MARK1: variants seen among roughly 807,000 people sequenced by gnomAD.
MARK1 encodes the protein microtubule affinity regulating kinase 1, also known as serine/threonine-protein kinase MARK1.
Under a neutral mutation model 96.3 loss-of-function variants are expected in MARK1, and 40 were observed. The ratio of observed to expected loss-of-function variants is 0.42; its 90% CI spans 0.32 to 0.54. MARK1 has a LOEUF of 0.54. MARK1 is among the 20% of genes least tolerant of loss of function. MARK1 has a pLI of 0.16. For missense variants in MARK1, 719 were observed against 984.6 expected (o/e 0.73, Z 3.61); for synonymous variants, 317 against 341.2 (o/e 0.93, Z 0.78).
chr1:220,647,900 C>T lies in MARK1; in HGVS notation c.1471-2720C>T, dbSNP rs7524156. ...CACACTGGGGCCTTTCAGAGGAGGG[C>T]GGAGGTCGCGGGAGAGCATTAGGAA... On this transcript the variant is annotated intron_variant, in intron 13 of 17. Transcript: ENST00000366917. Among the ~76,000 whole-genome samples the T allele has an allele frequency of 7.3e-3, 1,115 of 151,990 alleles. 12 individuals carry two copies. Among genetic ancestry groups the T allele is most frequent in the African/African-American group, 0.024 (997 of 41,444 alleles).
intron 2 of MARK1, 47 bp downstream of exon 2, chr1:220,579,604 G>T: frequency 6.6e-7 from 1 of 1,519,262 alleles, no homozygotes. Context: ...CCTCTCTGGA[G>T]TCTTGTTAAA....
chr1:220,553,872 A>G (rs1662051703), intron 1 of MARK1, among the ~76,000 whole-genome samples: 1 of 152,198 alleles, frequency 6.6e-6, no homozygotes, highest in Non-Finnish European at 1.5e-5. Context: ...TACTTCAAGC[A>G]CCAGTGAGTC....
At chr1:220,629,652 T>A (rs1667558763) in intron 9 of MARK1, among the ~76,000 whole-genome samples, 1 of 152,208 alleles carries the variant, frequency 6.6e-6, no homozygotes, top group Non-Finnish European at 1.5e-5. Context: ...TTATACTTTA[T>A]GTTCCTATGA....
intron 3 of MARK1, among the ~76,000 whole-genome samples, chr1:220,596,309 G>C (rs566427470): frequency 1.8e-4 from 28 of 152,254 alleles, no homozygotes; most frequent in South Asian, 1.7e-3. Flanking sequence ...TACTGTCAGA[G>C]CCAGAGCAAG....
intron 13 of MARK1, among the ~76,000 whole-genome samples, chr1:220,645,076 A>T (rs146905023): frequency 2.0e-5 from 3 of 152,270 alleles, no homozygotes; most frequent in Non-Finnish European, 2.9e-5. Context: ...CCAAGCTCAG[A>T]GCTGAACTGA....
At chr1:220,656,631 A>G (rs1345930234) in intron 16 of MARK1, among the ~76,000 whole-genome samples, 2 of 152,198 alleles carry the variant, frequency 1.3e-5, no homozygotes, top group African/African-American at 4.8e-5. Flanking sequence ...TGTTTTATTT[A>G]TTTCAATGTG....
At position 220,534,639 on chromosome 1, in the gene MARK1, G is replaced by A. The variant is rs190532231; in HGVS notation, c.51+5766G>A. Among the ~76,000 whole-genome samples the A allele has an allele frequency of 1.4e-4, 22 of 152,132 alleles. No homozygotes were observed. In the East Asian group the frequency reaches 3.9e-3, roughly 27 times the overall value. On this transcript the variant is annotated intron_variant, in intron 1 of 17. Transcript: ENST00000366917. ...CATCTCTAGAAATTTTTCATCTTGTGTGACTGAAACAGTGTACATATTGAA... is the reference window on the plus strand; with the variant it reads ...CATCTCTAGAAATTTTTCATCTTGTATGACTGAAACAGTGTACATATTGAA...
At chr1:220,637,866 A>T (rs1490466598) in intron 13 of MARK1, among the ~76,000 whole-genome samples, 1 of 152,076 alleles carries the variant, frequency 6.6e-6, no homozygotes, top group Non-Finnish European at 1.5e-5. Flanking sequence ...CAAATGCAAG[A>T]TAAGATACCA....
chr1:220,579,323 T>G, intron 1 of MARK1, 31 bp from the exon 2 acceptor site: 1 of 1,451,674 alleles, frequency 6.9e-7, no homozygotes, highest in Non-Finnish European at 9.6e-7. Flanking sequence ...ATAATTTAAT[T>G]AACAATGAAA....
intron 13 of MARK1, among the ~76,000 whole-genome samples, chr1:220,643,532 A>C (rs1668401121): frequency 6.6e-6 from 1 of 152,204 alleles, no homozygotes; most frequent in Non-Finnish European, 1.5e-5. Flanking sequence ...AACTTCCCCA[A>C]TCTAGCAAGA....
chr1:220,615,462 T>G (rs1053587476), intron 6 of MARK1, among the ~76,000 whole-genome samples: 2 of 152,222 alleles, frequency 1.3e-5, no homozygotes, highest in African/African-American at 4.8e-5. Context: ...ACCTCATTGT[T>G]AAGTTCTTAG....
intron 1 of MARK1, among the ~76,000 whole-genome samples, chr1:220,558,332 A>G (rs1662429783): frequency 6.6e-6 from 1 of 151,616 alleles, no homozygotes; most frequent in African/African-American, 2.4e-5. Context: ...AGCTTGCAGT[A>G]GGGAGGAAGA....
chr1:220,598,386 AATATATATATATTATAT>A lies in MARK1; in HGVS notation c.358+20_358+36del, dbSNP rs989721006. On this transcript the variant is annotated splice_region_variant and intron_variant, in intron 4 of 17. Coordinates refer to ENST00000366917, the MANE Select transcript of MARK1 (RefSeq NM_018650.5). ...CTGAATCATCCTAATATAGGTATGA[AATATATATATATTATAT>A]ATATATATATATATAATTAGCGATG... 5.9e-6 allele frequency: 2 copies of A among 339,232 alleles called. No individual in the cohort carries two copies. The highest frequency in any genetic ancestry group is 3.9e-5 in the Admixed American group (1 of 25,448). 21.0% of individuals were successfully genotyped at this position (339,232 alleles called of 1,614,324 possible).
rs773276473 is a variant in MARK1 at position 220,654,649 on chromosome 1, T to TAG, written c.1988+1298_1988+1299dup. On this transcript the variant is annotated intron_variant, in intron 16 of 17. Transcript: ENST00000366917. This position sits in a 1 kb window ranked among gnomAD's most constrained non-coding sequence, Gnocchi z 4.0. ...TGTTAGCCGGCCATCTGCAGGGTAC[T>TAG]AGTCAGATTATCAGTAGTTTCTGCT... is the stretch of plus-strand genomic sequence containing the variant. Among the ~76,000 whole-genome samples the TAG allele has an allele frequency of 3.9e-5, 6 of 152,242 alleles. No individual in the cohort carries two copies. Among genetic ancestry groups the TAG allele is most frequent in the Non-Finnish European group, 8.8e-5 (6 of 68,042 alleles).
chr1:220,617,652 A>G lies in MARK1; in HGVS notation c.553-658A>G, dbSNP rs1666829566. Among the ~76,000 whole-genome samples the G allele has an allele frequency of 2.6e-5, 4 of 152,218 alleles. No individual in the cohort carries two copies. The South Asian group carries it at 8.3e-4, about 32-fold the overall frequency. The stretch of plus-strand genomic sequence containing the variant: ...GGAAAACCATCTCAAAACGTGGAAA[A>G]TTCATTGTTTTCTATGTAAAATATA... On this transcript the variant is annotated intron_variant, in intron 7 of 17. Transcript: ENST00000366917.
At chr1:220,581,003 G>GA (rs1664202778) in intron 2 of MARK1, 62 bp from the exon 3 acceptor site, 1 of 662,476 alleles carries the variant, frequency 1.5e-6, no homozygotes, top group Non-Finnish European at 2.3e-6. Flanking sequence ...TGGATTTTTT[G>GA]AAAGTTTTAT....
rs180958425 is a variant in MARK1, at chr1:220,581,286, T to A, written c.309+168T>A. Among the ~76,000 whole-genome samples the A allele has an allele frequency of 1.2e-3, 185 of 152,254 alleles. 2 individuals carry two copies. Among genetic ancestry groups the A allele is most frequent in the Admixed American group, 2.2e-3 (34 of 15,298 alleles). ...TAATGTTTATGACTTACCAAGTAGT[T>A]GCTTGAAAACTATCTACTACTTAAA... On this transcript the variant is annotated intron_variant, in intron 3 of 17. Coordinates refer to ENST00000366917, the MANE Select transcript of MARK1 (RefSeq NM_018650.5).
chr1:220,544,889 A>T (rs903944118), intron 1 of MARK1, among the ~76,000 whole-genome samples: 1 of 152,210 alleles, frequency 6.6e-6, no homozygotes, highest in Non-Finnish European at 1.5e-5. Flanking sequence ...TATTCGCTTC[A>T]TCACAATTGA....
intron 1 of MARK1, among the ~76,000 whole-genome samples, chr1:220,569,414 T>TA (rs1481968330): frequency 1.3e-5 from 2 of 152,132 alleles, no homozygotes; most frequent in Non-Finnish European, 2.9e-5. Flanking sequence ...TTTAGTGACT[T>TA]CTATTTTATG....
Sources: gnomAD v4.1 joint callset for allele counts (sites outside exome capture counted in the v4.1 genomes callset) on GRCh38, gnomAD v4.1.1 for gene constraint, Gnocchi (gnomAD v3.1) non-coding constraint, MANE v1.5 for transcripts, NCBI Gene and HGNC (gene_info 2026-07-23, HGNC 2026-07-21) for gene names.